Variants in LIN52 observed in about 807,000 individuals in gnomAD.
The protein encoded by LIN52 is lin-52 DREAM MuvB core complex component.
Under a neutral mutation model 18.5 loss-of-function variants are expected in LIN52, and 4 were observed. That is an observed-to-expected ratio of 0.22 (90% CI 0.11 to 0.49). LIN52 has a LOEUF of 0.49. Ranked by LOEUF, LIN52 falls within the 20% of genes least tolerant of loss-of-function variation. LIN52 has a pLI of 0.97. For synonymous variants in LIN52, 34 were observed against 45.5 expected, an observed-to-expected ratio of 0.75 and a Z score of 1.02; for missense variants, 102 against 139.5, an observed-to-expected ratio of 0.73 and a Z score of 1.35.
Position 74,102,730 on chromosome 14 carries a change from T to C in LIN52, c.283+1492T>C, listed in dbSNP as rs548607959. Among the ~76,000 whole-genome samples, 4 of 152,358 alleles carry C rather than the reference T, an allele frequency of 2.6e-5. No homozygotes were observed. The South Asian group carries it at 6.2e-4, about 24-fold the overall frequency. The stretch of plus-strand genomic sequence containing the variant: ...ATGTTTTTCAATGAAGTAAATGTTA[T>C]GTTTGTTATATCAAGAAGATGCTAT... On this transcript the variant is annotated intron_variant, in intron 5 of 5. Transcript: ENST00000555028.
At chr14:74,162,028 G>A (rs761848974) in intron 5 of LIN52, among the ~76,000 whole-genome samples, 2 of 152,142 alleles carry the variant, frequency 1.3e-5, no homozygotes, top group Non-Finnish European at 2.9e-5. Flanking sequence ...GCGAGAGACA[G>A]TAAATGGATA....
intron 5 of LIN52, among the ~76,000 whole-genome samples, chr14:74,106,990 G>A (rs747077756): frequency 5.3e-5 from 8 of 152,304 alleles, no homozygotes; most frequent in Non-Finnish European, 1.2e-4. Context: ...AGGCCCCTTA[G>A]TGTGGCATTC....
chr14:74,186,696 A>G (rs1261836000), intron 5 of LIN52, among the ~76,000 whole-genome samples: 2 of 152,144 alleles, frequency 1.3e-5, no homozygotes, highest in East Asian at 1.9e-4. Context: ...AAATAGGTTG[A>G]TATTCAAGAA....
At chr14:74,087,413 CAA>C (rs59052804) in intron 1 of LIN52, among the ~76,000 whole-genome samples, 12,225 of 99,728 alleles carry the variant, frequency 0.12, 452 homozygotes, top group South Asian at 0.19. Flanking sequence ...GACTCCATTG[CAA>C]AAAAAAAAAA....
At chr14:74,195,820 C>T (rs990498841) in intron 5 of LIN52, among the ~76,000 whole-genome samples, 4 of 152,086 alleles carry the variant, frequency 2.6e-5, no homozygotes, top group Non-Finnish European at 5.9e-5. Flanking sequence ...TAAGAATCTT[C>T]GCCCTGCAGC....
In LIN52 at chr14:74,188,447, T is replaced by A. The variant is rs542227322; in HGVS notation, c.284-10475T>A. 4.6e-4 allele frequency among the ~76,000 whole-genome samples: 70 copies of A among 152,262 alleles called. No homozygotes were observed. In the South Asian group the frequency reaches 9.1e-3, roughly 20 times the overall value. The stretch of plus-strand genomic sequence containing the variant: ...TTCATGAGGAAGATTTGTATTTTTT[T>A]AAAAAGTTCTATATTTCTGTGTGTT... On this transcript the variant is annotated intron_variant, in intron 5 of 5. Transcript: ENST00000555028.
rs901349491 is a variant in LIN52, at chr14:74,095,954, G to C, written c.101G>C (p.Gly34Ala). 1.1e-5 allele frequency: 17 copies of C among 1,608,010 alleles called. No individual in the cohort carries two copies. Among genetic ancestry groups the C allele is most frequent in the Non-Finnish European group, 1.4e-5 (17 of 1,176,278 alleles). The change falls in exon 3 of 6, where the codon GGT (glycine) becomes GCT (alanine). Residue 34 changes from glycine (G) to alanine (A), a missense_variant. Physicochemically the swap from Gly to Ala is moderately conservative, Grantham distance 60 (BLOSUM62 0). Coordinates refer to ENST00000555028, the MANE Select transcript of LIN52 (RefSeq NM_001024674.3). ...GTTTTGTTTTTCTTTTTAGTACCAGGTGTTGCTGAATTTGCAGCTTCCTTC... is the reference window on the plus strand; with the variant it reads ...GTTTTGTTTTTCTTTTTAGTACCAGCTGTTGCTGAATTTGCAGCTTCCTTC... ...SPDLWPEQLPGVAEFAASFKS... is the reference protein window; with the variant it reads ...SPDLWPEQLPAVAEFAASFKS...
intron 5 of LIN52, among the ~76,000 whole-genome samples, chr14:74,126,602 A>T (rs965762880): frequency 6.6e-6 from 1 of 152,238 alleles, no homozygotes; most frequent in African/African-American, 2.4e-5. Context: ...AATCTTCAAA[A>T]TATTATACTA....
At chr14:74,169,140 A>T (rs1219753176) in intron 5 of LIN52, among the ~76,000 whole-genome samples, 13 of 152,196 alleles carry the variant, frequency 8.5e-5, no homozygotes, top group Admixed American at 8.5e-4. Flanking sequence ...ACATTTTCAT[A>T]TCTGGGCTGT....
intron 5 of LIN52, among the ~76,000 whole-genome samples, chr14:74,129,272 T>C (rs1451928543): frequency 1.3e-5 from 2 of 152,196 alleles, no homozygotes; most frequent in Non-Finnish European, 2.9e-5. Context: ...ATAGACTTAA[T>C]ATATATTTAA....
chr14:74,137,498 C>CTCTTTTTTTTTTTTTTTTTTT (rs776969152), intron 5 of LIN52, among the ~76,000 whole-genome samples: 1 of 111,604 alleles, frequency 9.0e-6, no homozygotes, highest in African/African-American at 3.7e-5. Context: ...CAGCAGCTCT[C>CTCTTTTTTTTTTTTTTTTTTT]TTTTTTTTTT....
intron 1 of LIN52, among the ~76,000 whole-genome samples, chr14:74,089,833 C>T (rs879402161): frequency 6.6e-6 from 1 of 152,036 alleles, no homozygotes; most frequent in African/African-American, 2.4e-5. Flanking sequence ...GTTCCCTAAC[C>T]GCAGGACATA....
intron 5 of LIN52, among the ~76,000 whole-genome samples, chr14:74,109,598 G>T (rs569578307): frequency 2.0e-4 from 31 of 152,292 alleles, no homozygotes; most frequent in African/African-American, 6.7e-4. Context: ...AGTAAATTTT[G>T]AAATTGGGAT....
rs372602290 is a variant in LIN52, at chr14:74,092,738, G to A, written c.94+1432G>A. Among the ~76,000 whole-genome samples, 17 of 151,562 alleles carry A rather than the reference G, an allele frequency of 1.1e-4. No homozygotes were observed. In the East Asian group the frequency reaches 2.5e-3, roughly 22 times the overall value. On this transcript the variant is annotated intron_variant, in intron 2 of 5. Coordinates refer to ENST00000555028, the MANE Select transcript of LIN52 (RefSeq NM_001024674.3). ...TTGAGACCAGCCTCGCCAACATGGCGAAACCCTGTCTCTATCAAAAATACA... is the reference window on the plus strand; with the variant it reads ...TTGAGACCAGCCTCGCCAACATGGCAAAACCCTGTCTCTATCAAAAATACA...
chr14:74,177,348 A>G (rs2061298602), intron 5 of LIN52, among the ~76,000 whole-genome samples: 1 of 152,210 alleles, frequency 6.6e-6, no homozygotes, highest in African/African-American at 2.4e-5. Flanking sequence ...ACATTCATGT[A>G]CAAGTTTTGT....
chr14:74,135,547 AT>A (rs34777883), intron 5 of LIN52, among the ~76,000 whole-genome samples: 34,149 of 151,660 alleles, frequency 0.23, 4,173 homozygotes, highest in South Asian at 0.46. Context: ...GACCATAGCC[AT>A]TTTTTTTTAT....
At chr14:74,139,165 C>T (rs528803631) in intron 5 of LIN52, among the ~76,000 whole-genome samples, 2 of 152,272 alleles carry the variant, frequency 1.3e-5, no homozygotes, top group South Asian at 4.1e-4. Flanking sequence ...TTTAAGCAGC[C>T]TTCCTGGAAG....
chr14:74,157,443 C>CTA (rs768558823), intron 5 of LIN52, among the ~76,000 whole-genome samples: 133 of 65,680 alleles, frequency 2.0e-3, no homozygotes, highest in South Asian at 0.012. Context: ...CATACTCCTG[C>CTA]TATATATATA....
chr14:74,141,876 T>C (rs147371188), intron 5 of LIN52, among the ~76,000 whole-genome samples: 65 of 152,296 alleles, frequency 4.3e-4, no homozygotes, highest in African/African-American at 1.4e-3. Flanking sequence ...GTTCCAGGAA[T>C]CAAGTTTTGA....
Sources: gnomAD v4.1 joint callset for allele counts (sites outside exome capture counted in the v4.1 genomes callset) on GRCh38, gnomAD v4.1.1 for gene constraint, MANE v1.5 for transcripts, NCBI Gene and HGNC (gene_info 2026-07-23, HGNC 2026-07-21) for gene names.